The following RBFOX1 variants were observed in gnomAD, a reference collection of about 807,000 sequenced individuals.
RBFOX1 encodes the protein RNA binding protein fox-1 homolog 1.
RBFOX1 carries 8 observed loss-of-function variants against 57.7 expected under a neutral mutation model. That is an observed-to-expected ratio of 0.14 (90% CI 0.08 to 0.25). The LOEUF is 0.25. RBFOX1 is among the 10% of genes least tolerant of loss of function. The pLI, the probability that RBFOX1 is intolerant of heterozygous loss-of-function variation, is 1.00. For synonymous variants in RBFOX1, 326 were observed against 222.4 expected (o/e 1.47, Z -4.15); for missense variants, 611 against 548.5 (o/e 1.11, Z -1.14).
At chr16:6,023,344 T>C (rs931453090) in intron 1 of RBFOX1, among the ~76,000 whole-genome samples, 1 of 152,100 alleles carries the variant, frequency 6.6e-6, no homozygotes, top group African/African-American at 2.4e-5. Context: ...ATGTCTCTGA[T>C]GATTTTAGAA....
At chr16:5,815,609 A>G (rs1041781601) in intron 3 of RBFOX1, among the ~76,000 whole-genome samples, 2 of 152,206 alleles carry the variant, frequency 1.3e-5, no homozygotes, top group African/African-American at 4.8e-5. Flanking sequence ...CCAGGAAGGA[A>G]GCCACAGCAG....
intron 3 of RBFOX1, among the ~76,000 whole-genome samples, chr16:6,989,621 T>A (rs1036556806): frequency 1.3e-5 from 2 of 152,154 alleles, no homozygotes; most frequent in Non-Finnish European, 2.9e-5. Context: ...ACAGAAGTTA[T>A]CTCTGCAGAC....
At chr16:6,054,143 G>A (rs2095585887) in intron 1 of RBFOX1, among the ~76,000 whole-genome samples, 1 of 152,164 alleles carries the variant, frequency 6.6e-6, no homozygotes, top group Non-Finnish European at 1.5e-5. Flanking sequence ...TTGAAGCAGT[G>A]GAGGAAGCTA....
At chr16:7,481,897 G>A (rs1175074116) in intron 4 of RBFOX1, among the ~76,000 whole-genome samples, 3 of 152,194 alleles carry the variant, frequency 2.0e-5, no homozygotes, top group Non-Finnish European at 4.4e-5. Context: ...TTACAATAAA[G>A]TGTTGAATAT....
At chr16:6,596,946 T>C (rs1223214127) in intron 2 of RBFOX1, among the ~76,000 whole-genome samples, 1 of 152,172 alleles carries the variant, frequency 6.6e-6, no homozygotes, top group Non-Finnish European at 1.5e-5. Context: ...AGGCAGCCCC[T>C]GGTTTCTGCC....
At chr16:6,951,001 G>A (rs539735055) in intron 3 of RBFOX1, among the ~76,000 whole-genome samples, 8 of 151,880 alleles carry the variant, frequency 5.3e-5, no homozygotes, top group African/African-American at 9.7e-5. Flanking sequence ...AAACTTCTAG[G>A]CTCCAGCGAT....
At chr16:5,368,033 A>T (rs2065768060) in intron 1 of RBFOX1, among the ~76,000 whole-genome samples, 1 of 152,204 alleles carries the variant, frequency 6.6e-6, no homozygotes, top group African/African-American at 2.4e-5. Context: ...TTAAGTGGCA[A>T]GGTGGCCATA....
chr16:7,618,162 C>T (rs1372516523), intron 10 of RBFOX1, among the ~76,000 whole-genome samples: 3 of 152,114 alleles, frequency 2.0e-5, no homozygotes, highest in Admixed American at 6.5e-5. Context: ...TAAAATTTTA[C>T]ATAATGAAAT....
At chr16:6,086,370 G>A (rs2096084018) in intron 1 of RBFOX1, among the ~76,000 whole-genome samples, 1 of 152,112 alleles carries the variant, frequency 6.6e-6, no homozygotes, top group African/African-American at 2.4e-5. Flanking sequence ...CGAGTGTTCT[G>A]CTGCCCAAAG....
At chr16:6,847,966 A>G (rs186405927) in intron 3 of RBFOX1, among the ~76,000 whole-genome samples, 66 of 152,032 alleles carry the variant, frequency 4.3e-4, no homozygotes, top group Non-Finnish European at 7.5e-4. Flanking sequence ...AATAGCTAAG[A>G]CTATAGGCAC....
At chr16:7,027,427 CT>C (rs1316273168) in intron 3 of RBFOX1, among the ~76,000 whole-genome samples, 4 of 152,096 alleles carry the variant, frequency 2.6e-5, no homozygotes, top group Non-Finnish European at 1.5e-5. Flanking sequence ...TTAACATCTC[CT>C]TTTTTCAGGT....
intron 4 of RBFOX1, among the ~76,000 whole-genome samples, chr16:7,280,542 A>G (rs2095520761): frequency 6.6e-6 from 1 of 152,176 alleles, no homozygotes; most frequent in African/African-American, 2.4e-5. Flanking sequence ...TCATCATGTG[A>G]TAAAGACCAC....
intron 3 of RBFOX1, among the ~76,000 whole-genome samples, chr16:7,033,876 G>A (rs983071002): frequency 6.6e-6 from 1 of 152,184 alleles, no homozygotes; most frequent in African/African-American, 2.4e-5. Context: ...GGCTGGGGCA[G>A]GAGGATTATT....
chr16:6,069,211 C>G (rs1485367032), intron 1 of RBFOX1, among the ~76,000 whole-genome samples: 1 of 151,912 alleles, frequency 6.6e-6, no homozygotes, highest in Admixed American at 6.6e-5. Context: ...CCAGCCTGAC[C>G]AATATGGAGA....
intron 3 of RBFOX1, among the ~76,000 whole-genome samples, chr16:6,847,215 AACAACATTTCATGATAT>A: frequency 6.6e-6 from 1 of 152,258 alleles, no homozygotes. Flanking sequence ...AATACTGCAT[AACAACATTTCATGATAT>A]ACAACATGTA....
At chr16:7,039,838 C>T (rs889703015) in intron 3 of RBFOX1, among the ~76,000 whole-genome samples, 3 of 152,074 alleles carry the variant, frequency 2.0e-5, no homozygotes, top group Non-Finnish European at 2.9e-5. Context: ...TAGAAGCAGA[C>T]GAGGCAAAGC....
intron 2 of RBFOX1, among the ~76,000 whole-genome samples, chr16:6,523,827 T>C (rs927407278): frequency 6.6e-6 from 1 of 152,152 alleles, no homozygotes; most frequent in African/African-American, 2.4e-5. Context: ...TAAGATTTTC[T>C]TTGAAAAAAA....
At chr16:5,679,876 TAGTG>T (rs1271103330) in intron 3 of RBFOX1, among the ~76,000 whole-genome samples, 4 of 152,198 alleles carry the variant, frequency 2.6e-5, no homozygotes, top group Non-Finnish European at 4.4e-5. Context: ...GTACAGTTCA[TAGTG>T]AGCAAAATGT....
intron 3 of RBFOX1, among the ~76,000 whole-genome samples, chr16:6,727,846 G>T (rs143335556): frequency 2.0e-5 from 3 of 151,968 alleles, no homozygotes; most frequent in East Asian, 1.9e-4. Context: ...GTTCCTCCTC[G>T]GGCATGTTAG....
Sources: allele counts gnomAD v4.1 joint callset (sites outside exome capture counted in the v4.1 genomes callset), GRCh38; gene constraint gnomAD v4.1.1; transcripts MANE v1.5; gene names NCBI Gene and HGNC (gene_info 2026-07-23, HGNC 2026-07-21).